Variants in ARHGEF17 observed in about 807,000 individuals in gnomAD.
ARHGEF17 encodes Rho guanine nucleotide exchange factor 17, also known as 164 kDa Rho-specific guanine-nucleotide exchange factor.
ARHGEF17 carries 80 observed loss-of-function variants against 174.0 expected under a neutral mutation model. That is an observed-to-expected ratio of 0.46 (90% CI 0.38 to 0.55). The LOEUF (loss-of-function observed/expected upper bound fraction) is 0.55. ARHGEF17 is among the 20% of genes least tolerant of loss of function. The probability of loss-of-function intolerance (pLI) is 0.00; values close to 1 mark genes in which losing one functional copy is unlikely to be tolerated. For synonymous variants in ARHGEF17, 1,311 were observed against 1,189.1 expected, an observed-to-expected ratio of 1.10 and a Z score of -2.11; for missense variants, 2,886 against 2,839.7, an observed-to-expected ratio of 1.02 and a Z score of -0.37.
At chr11:73,318,488 A>G (rs115756079) in intron 1 of ARHGEF17, among the ~76,000 whole-genome samples, 4,894 of 152,024 alleles carry the variant, frequency 0.032, 259 homozygotes, top group African/African-American at 0.11. Flanking sequence ...AATAAAAAAC[A>G]GGTGTGGTGG....
In ARHGEF17 at chr11:73,357,269, A is replaced by C; in HGVS notation, c.4029A>C (p.Thr1343=). ...ACACGGCAGCCAGTGTCATTGACAC[A>C]GCCAGCAAGTACAAGATGCTGTGGA... The part of the protein sequence containing the change: ...SLYTAASVID[T]ASKYKMLWKL... The change falls in exon 9 of 21, where the codon ACA becomes ACC. Residue 1343 remains threonine, a synonymous_variant. Transcript: ENST00000263674. 1 of 1,614,086 alleles carries C rather than the reference A, an allele frequency of 6.2e-7. No homozygotes were observed. Among genetic ancestry groups the C allele is most frequent in the South Asian group, 1.1e-5 (1 of 91,064 alleles).
intron 1 of ARHGEF17, among the ~76,000 whole-genome samples, chr11:73,324,769 A>AT (rs1865074438): frequency 6.6e-6 from 1 of 152,224 alleles, no homozygotes; most frequent in South Asian, 2.1e-4. Flanking sequence ...TTTGCTTTGG[A>AT]CATAGTGATC....
At position 73,352,819 on chromosome 11, in the gene ARHGEF17, G is replaced by T. The variant is rs375568019; in HGVS notation, c.3271-11G>T. Reference sequence around the variant, plus strand: ...CTGAGGGAGTGTGCACCGACCCTGTGGGTCCTTCAGGGCTACATGCAGCCG... The same window carrying T: ...CTGAGGGAGTGTGCACCGACCCTGTTGGTCCTTCAGGGCTACATGCAGCCG... On this transcript the variant is annotated splice_polypyrimidine_tract_variant and intron_variant, in intron 2 of 20. Coordinates refer to ENST00000263674, the MANE Select transcript of ARHGEF17 (RefSeq NM_014786.4). The T allele has an allele frequency of 3.1e-5, 50 of 1,613,652 alleles. No homozygotes were observed. The highest frequency in any genetic ancestry group is 4.2e-5 in the Non-Finnish European group (50 of 1,179,966).
At chr11:73,357,970 C>T (rs73542478) in intron 9 of ARHGEF17, among the ~76,000 whole-genome samples, 7,030 of 152,290 alleles carry the variant, frequency 0.046, 561 homozygotes, top group African/African-American at 0.16. Flanking sequence ...CAGGTTTGCT[C>T]GGCCCCTTGG....
In ARHGEF17 at chr11:73,311,437, G is replaced by A. The variant is rs756088693; in HGVS notation, c.2799G>A (p.Glu933=). 1.9e-6 allele frequency: 3 copies of A among 1,613,366 alleles called. No homozygotes were observed. Among genetic ancestry groups the A allele is most frequent in the Non-Finnish European group, 1.7e-6 (2 of 1,180,038 alleles). Residue 933 remains glutamate, a synonymous_variant, in exon 1 of 21, where the codon GAG becomes GAA. Transcript: ENST00000263674. ...GCCCAGCTCGGAGTAGTCACCAGGA[G>A]CTTCGGAGAGACGAGGGCAGTCAGG... ...KKRPARSSHQ[E]LRRDEGSQDQ... is the part of the protein sequence containing the mutation.
intron 1 of ARHGEF17, among the ~76,000 whole-genome samples, chr11:73,328,683 A>G (rs1172583329): frequency 1.1e-4 from 16 of 152,236 alleles, no homozygotes; most frequent in African/African-American, 3.1e-4. Flanking sequence ...GAAAGCAAAG[A>G]CAAAGGCTCC....
At chr11:73,359,715 C>T (rs1225185874) in intron 9 of ARHGEF17, 119 bp from the exon 10 acceptor site, 9 of 802,068 alleles carry the variant, frequency 1.1e-5, no homozygotes, top group South Asian at 5.5e-5. Flanking sequence ...TCTATGCTTT[C>T]GGTTTGTCAG....
chr11:73,352,675 T>C (rs1462787131), intron 2 of ARHGEF17, among the ~76,000 whole-genome samples, 155 bp from the exon 3 acceptor site: 1 of 152,158 alleles, frequency 6.6e-6, no homozygotes, highest in African/African-American at 2.4e-5. Flanking sequence ...CCCATCTCCC[T>C]CCTGGAGCTC....
chr11:73,363,608 A>G (rs1393058672), intron 15 of ARHGEF17, 139 bp from the exon 16 acceptor site: 2 of 1,496,332 alleles, frequency 1.3e-6, no homozygotes, highest in East Asian at 4.6e-5. Flanking sequence ...TGACAATCCC[A>G]GGGAGGCTGT....
Position 73,362,503 on chromosome 11 carries a change from G to C in ARHGEF17, c.4765G>C (p.Glu1589Gln), listed in dbSNP as rs1454413980. 2 of 1,602,322 alleles carry C rather than the reference G, an allele frequency of 1.2e-6. No individual in the cohort carries two copies. Among genetic ancestry groups the C allele is most frequent in the Non-Finnish European group, 1.7e-6 (2 of 1,176,936 alleles). ...GCCCGCCGGGCCGGAGCTGGACGTC[G>C]AGGCCGCTGCAGACGAGGAAGCCGC... is the stretch of plus-strand genomic sequence containing the variant. ...PEPAGPELDV[E>Q]AAADEEAATL... Residue 1589 changes from glutamate to glutamine, a missense_variant, in exon 14 of 21, where the codon GAG (glutamate) becomes CAG (glutamine). By Grantham distance (29) the Glu-to-Gln change is conservative. This residue lies in a region of ARHGEF17 where 476 missense variants were observed against 473.1 expected (regional missense o/e 1.01). Transcript: ENST00000263674.
At chr11:73,363,885 C>G in intron 16 of ARHGEF17, 52 bp downstream of exon 16, 2 of 1,556,078 alleles carry the variant, frequency 1.3e-6, no homozygotes, top group African/African-American at 2.7e-5. Context: ...GCCACACGTG[C>G]AGGCCTCCTT....
In ARHGEF17 at chr11:73,365,873, GCTT is replaced by G. The variant is rs1394849724; in HGVS notation, c.5925_5927del (p.Phe1975del). 6.2e-7 allele frequency: 1 copy of G among 1,611,196 alleles called. No individual in the cohort carries two copies. ...GGCCAGGGACACACCGGCCACGTCC[GCTT>G]CTTGGCTGCAGTCCAGCTGCCAGAT... On this transcript the variant is annotated inframe_deletion, in exon 20 of 21. Transcript: ENST00000263674. This position sits in a 1 kb window ranked among gnomAD's most constrained non-coding sequence, Gnocchi z 4.9.
chr11:73,364,178 G>A lies in ARHGEF17; in HGVS notation c.5340G>A (p.Leu1780=), dbSNP rs1402217837. Residue 1780 remains leucine, a synonymous_variant, in exon 17 of 21, where the codon CTG becomes CTA. Transcript: ENST00000263674. ...TCCTCTTTTCCCTACCCAGGTATCT[G>A]AATAACCAGGTGTTTGTGTCTCTGG... ...HAASVTCILY[L]NNQVFVSLAN... 2.5e-6 allele frequency: 4 copies of A among 1,614,118 alleles called. No homozygotes were observed. Among genetic ancestry groups the A allele is most frequent in the Non-Finnish European group, 3.4e-6 (4 of 1,180,020 alleles).
At position 73,308,500 on chromosome 11, in the gene ARHGEF17, G is replaced by A; in HGVS notation, c.-139G>A. On this transcript the variant is annotated 5_prime_UTR_variant, in exon 1 of 21. Transcript: ENST00000263674. ...CTTGAGCCGCGGCAGAGAAACCTCT[G>A]CTCCGGTCTCTGCGTCCTCTTCCCA... 4 of 756,186 alleles carry A rather than the reference G, an allele frequency of 5.3e-6. No homozygotes were observed. Among genetic ancestry groups the A allele is most frequent in the Non-Finnish European group, 7.6e-6 (4 of 528,548 alleles). The allele number at this position is 756,186 out of a possible 1,614,324, so 46.8% of individuals were successfully genotyped here.
intron 2 of ARHGEF17, 42 bp from the exon 3 acceptor site, chr11:73,352,788 G>T: frequency 6.2e-7 from 1 of 1,605,640 alleles, no homozygotes; most frequent in Non-Finnish European, 8.5e-7. Flanking sequence ...GGTGGGGGCG[G>T]CATCTCTGAG....
chr11:73,335,646 G>T (rs1396314506), intron 1 of ARHGEF17, among the ~76,000 whole-genome samples: 2 of 152,114 alleles, frequency 1.3e-5, no homozygotes, highest in East Asian at 3.9e-4. Flanking sequence ...ACCTGTGGGC[G>T]TCTGGTGGAA....
chr11:73,311,877 T>C (rs1444741142), intron 1 of ARHGEF17, 47 bp downstream of exon 1: 3 of 1,544,782 alleles, frequency 1.9e-6, no homozygotes, highest in South Asian at 1.2e-5. Flanking sequence ...AGAAGGGCCA[T>C]GGGCACCGAC....
intron 1 of ARHGEF17, among the ~76,000 whole-genome samples, chr11:73,344,825 T>C (rs1245070222): frequency 6.6e-6 from 1 of 152,140 alleles, no homozygotes; most frequent in Non-Finnish European, 1.5e-5. Context: ...GGCTGCCCAG[T>C]CAGTCTGGGC....
At chr11:73,362,756 C>T (rs1191327279) in intron 14 of ARHGEF17, 22 bp downstream of exon 14, 9 of 1,587,310 alleles carry the variant, frequency 5.7e-6, no homozygotes, top group Non-Finnish European at 7.7e-6. Context: ...CCATCTCCTC[C>T]AACTTGGCCT....
Sources: allele counts gnomAD v4.1 joint callset (sites outside exome capture counted in the v4.1 genomes callset), GRCh38; gene constraint gnomAD v4.1.1; regional missense constraint gnomAD v4.1.1; non-coding constraint Gnocchi (gnomAD v3.1); transcripts MANE v1.5; gene names NCBI Gene and HGNC (gene_info 2026-07-23, HGNC 2026-07-21).